The following CUZD1 variants were observed in gnomAD, a reference collection of about 807,000 sequenced individuals.
CUZD1 encodes CUB and zona pellucida like domains 1, also known as CUB and zona pellucida-like domain-containing protein 1.
CUZD1 carries 42 observed loss-of-function variants against 53.1 expected under a neutral mutation model. That is an observed-to-expected ratio of 0.79 (90% CI 0.62 to 1.02). The LOEUF (loss-of-function observed/expected upper bound fraction) is 1.02, where lower values mean the gene tolerates loss of function less well. Ranked by LOEUF, CUZD1 falls within the 50% of genes least tolerant of loss-of-function variation. The probability of loss-of-function intolerance (pLI) is 0.00; values close to 1 mark genes in which losing one functional copy is unlikely to be tolerated. For synonymous variants in CUZD1, 238 were observed against 257.2 expected (o/e 0.93, Z 0.71); for missense variants, 670 against 715.7 (o/e 0.94, Z 0.73).
chr10:122,837,825 C>A, intron 3 of CUZD1: 1 of 306,028 alleles, frequency 3.3e-6, no homozygotes, highest in Non-Finnish European at 6.0e-6. Context: ...ACTCCCATTA[C>A]CTGAATTGCG....
chr10:122,840,888 T>C (rs1174784264), intron 2 of CUZD1, among the ~76,000 whole-genome samples: 1 of 152,204 alleles, frequency 6.6e-6, no homozygotes, highest in African/African-American at 2.4e-5. Flanking sequence ...GTTCTAACTC[T>C]GGTCATGCTA....
At position 122,834,690 on chromosome 10, in the gene CUZD1, T is replaced by C; in HGVS notation, c.1382+16A>G. 6.5e-7 allele frequency: 1 copy of C among 1,538,968 alleles called. No homozygotes were observed. Among genetic ancestry groups the C allele is most frequent in the South Asian group, 1.3e-5 (1 of 77,964 alleles). ...GGAAGGAATATCATACATACATCAG[T>C]TACATTAATACATACCCACTCTTGA... On this transcript the variant is annotated intron_variant, in intron 7 of 8. Transcript: ENST00000392790.
intron 1 of CUZD1, among the ~76,000 whole-genome samples, chr10:122,844,415 T>G (rs1847400280): frequency 6.6e-6 from 1 of 152,104 alleles, no homozygotes; most frequent in African/African-American, 2.4e-5. Flanking sequence ...GTGTATATAC[T>G]AAAAAACACT....
rs1344039610 is a variant in CUZD1, at chr10:122,837,031, T to C, written c.617A>G (p.Gln206Arg). 1.2e-6 allele frequency: 2 copies of C among 1,612,182 alleles called. No homozygotes were observed. Among genetic ancestry groups the C allele is most frequent in the Admixed American group, 1.7e-5 (1 of 59,926 alleles). The change falls in exon 5 of 9, where the codon CAG becomes CGG. Residue 206 changes from glutamine to arginine, a missense_variant. Physicochemically the swap from Gln to Arg is conservative, Grantham distance 43. Transcript: ENST00000392790. ...FKEIFLEIDK[Q>R]CKFDFLAIYD... The stretch of plus-strand genomic sequence containing the variant: ...GATGGCAAGAAAATCAAATTTGCAC[T>C]GTTTGTCTATTTCTAGGCTAGAGAA...
chr10:122,832,652 A>C (rs1163546816), intron 8 of CUZD1, among the ~76,000 whole-genome samples: 1 of 152,150 alleles, frequency 6.6e-6, no homozygotes, highest in African/African-American at 2.4e-5. Flanking sequence ...AACTTGTTTC[A>C]AATTGTTGAC....
At chr10:122,843,639 T>C (rs189214680) in intron 1 of CUZD1, among the ~76,000 whole-genome samples, 2 of 152,082 alleles carry the variant, frequency 1.3e-5, no homozygotes, top group Non-Finnish European at 2.9e-5. Flanking sequence ...GAAAATATTA[T>C]GCTAAGTGAA....
At chr10:122,839,445 C>G (rs1847302583) in intron 2 of CUZD1, among the ~76,000 whole-genome samples, 1 of 152,198 alleles carries the variant, frequency 6.6e-6, no homozygotes. Context: ...ACTGCTTTGC[C>G]TATGTCTTGT....
intron 4 of CUZD1, 91 bp from the exon 5 acceptor site, chr10:122,837,139 T>C (rs753205128): frequency 3.6e-6 from 4 of 1,099,412 alleles, no homozygotes; most frequent in Non-Finnish European, 5.1e-6. Flanking sequence ...TAAGTGATTA[T>C]GGATTTTTTT....
intron 3 of CUZD1, among the ~76,000 whole-genome samples, chr10:122,838,590 A>G (rs930429209): frequency 4.6e-5 from 7 of 152,278 alleles, no homozygotes; most frequent in Middle Eastern, 6.8e-3. Flanking sequence ...CCGAACCAAG[A>G]TCTAAGGAAT....
rs753754370 is a variant in CUZD1, at chr10:122,836,295, TAGG to T, written c.870_872del (p.Tyr290_Leu291delinsTer). 6.2e-7 allele frequency: 1 copy of T among 1,609,720 alleles called. No homozygotes were observed. Among genetic ancestry groups the T allele is most frequent in the Admixed American group, 1.7e-5 (1 of 59,258 alleles). The stretch of plus-strand genomic sequence containing the variant: ...TATTCCCATTAGAGTTAAAAGCCTC[TAGG>T]TAGGATTTGCTTATAATAACTCTCA... On this transcript the variant is annotated stop_gained and inframe_deletion, in exon 6 of 9. Coordinates refer to ENST00000392790, the MANE Select transcript of CUZD1 (RefSeq NM_022034.6). LOFTEE classifies it high-confidence loss of function.
rs1163789495 is a variant in CUZD1, at chr10:122,834,905, T to G, written c.1183A>C (p.Thr395Pro). 1.9e-6 allele frequency: 3 copies of G among 1,613,528 alleles called. No homozygotes were observed. Among genetic ancestry groups the G allele is most frequent in the Non-Finnish European group, 2.5e-6 (3 of 1,179,640 alleles). The change falls in exon 7 of 9, where the codon ACC becomes CCC. Residue 395 changes from threonine (T) to proline (P), a missense_variant. Coordinates refer to ENST00000392790, the MANE Select transcript of CUZD1 (RefSeq NM_022034.6). Reference sequence around the variant, plus strand: ...TTGGATTCAAAAAGAGCCATGCTGGTGTTATATTTGCCCAGTGCATTTTGA... The same window carrying G: ...TTGGATTCAAAAAGAGCCATGCTGGGGTTATATTTGCCCAGTGCATTTTGA... ...QSQNALGKYN[T>P]SMALFESNSF... is the part of the protein sequence containing the mutation.
intron 1 of CUZD1, among the ~76,000 whole-genome samples, chr10:122,844,372 G>A (rs1285177018): frequency 6.6e-6 from 1 of 151,854 alleles, no homozygotes; most frequent in Non-Finnish European, 1.5e-5. Context: ...AATATGTTCT[G>A]GAATTAGATA....
rs751719479 is a variant in CUZD1, at chr10:122,837,528, C to T, written c.475G>A (p.Asp159Asn). The change falls in exon 4 of 9, where the codon GAT becomes AAT. Residue 159 changes from aspartate (D) to asparagine (N), a missense_variant. Coordinates refer to ENST00000392790, the MANE Select transcript of CUZD1 (RefSeq NM_022034.6). Reference protein sequence around the residue: ...ISIPNCGGYLDTLEGSFTSPN... With the variant: ...ISIPNCGGYLNTLEGSFTSPN... The stretch of plus-strand genomic sequence containing the variant: ...CTGGTGAAGGATCCTTCCAAGGTAT[C>T]CAGGTAACCGCCACAGTTTGGAATA... 14 of 1,590,838 alleles carry T rather than the reference C, an allele frequency of 8.8e-6. No homozygotes were observed. The East Asian group carries it at 2.9e-4, about 33-fold the overall frequency.
At chr10:122,839,786 G>C in intron 2 of CUZD1, among the ~76,000 whole-genome samples, 1 of 152,162 alleles carries the variant, frequency 6.6e-6, no homozygotes, top group East Asian at 1.9e-4. Flanking sequence ...TTCTGACAGG[G>C]TCTCTCCAAA....
At chr10:122,839,554 A>G (rs1269480677) in intron 2 of CUZD1, among the ~76,000 whole-genome samples, 5 of 152,190 alleles carry the variant, frequency 3.3e-5, no homozygotes, top group African/African-American at 1.2e-4. Flanking sequence ...TCTTTGATGA[A>G]CCTTCTTATT....
chr10:122,838,424 T>C (rs566123473), intron 3 of CUZD1, among the ~76,000 whole-genome samples: 4 of 152,336 alleles, frequency 2.6e-5, no homozygotes, highest in East Asian at 3.9e-4. Context: ...CACAGTGGAA[T>C]GTAGGTGCTG....
Position 122,833,626 on chromosome 10 carries a change from A to C in CUZD1, c.1651+46T>G, listed in dbSNP as rs1407722405. 2.5e-6 allele frequency: 4 copies of C among 1,580,328 alleles called. No homozygotes were observed. The African/African-American group carries it at 4.1e-5, about 16-fold the overall frequency. The stretch of plus-strand genomic sequence containing the variant: ...AGTTACTGGATTTGAGCAGCATTTT[A>C]TGAGCCATGATGTGCTTTTGGATCA... On this transcript the variant is annotated intron_variant, in intron 8 of 8. Transcript: ENST00000392790.
Position 122,834,818 on chromosome 10 carries a change from CAA to C in CUZD1, c.1268_1269del (p.Phe423CysfsTer4). 6.2e-7 allele frequency: 1 copy of C among 1,613,790 alleles called. No homozygotes were observed. The highest frequency in any genetic ancestry group is 1.3e-5 in the African/African-American group (1 of 75,002). On this transcript the variant is annotated frameshift_variant, in exon 7 of 9. Transcript: ENST00000392790. LOFTEE classifies it high-confidence loss of function. ...TCTGAGGTGTGCAGACTAACTTGAA[CAA>C]AAAGAGTTTGGTTCAAATCCACATA... ...PYYVDLNQTL[F>X]VQVSLHTSDP...
At chr10:122,835,753 C>CATGTTTAA (rs765954478) in intron 6 of CUZD1, among the ~76,000 whole-genome samples, 1 of 152,046 alleles carries the variant, frequency 6.6e-6, no homozygotes, top group Non-Finnish European at 1.5e-5. Flanking sequence ...TAATATCCTT[C>CATGTTTAA]ATGTTTAAAT....
Sources: allele counts gnomAD v4.1 joint callset (sites outside exome capture counted in the v4.1 genomes callset), GRCh38; gene constraint gnomAD v4.1.1; transcripts MANE v1.5; gene names NCBI Gene and HGNC (gene_info 2026-07-23, HGNC 2026-07-21).